COL24A1: variants seen among roughly 807,000 people sequenced by gnomAD.
The protein encoded by COL24A1 is collagen alpha-1(XXIV) chain.
COL24A1 carries 224 observed loss-of-function variants against 253.9 expected under a neutral mutation model. The observed-to-expected ratio is 0.88, with a 90% confidence interval of 0.79 to 0.99. COL24A1 has a LOEUF of 0.99. COL24A1 is among the 50% of genes least tolerant of loss of function. The probability of loss-of-function intolerance (pLI) is 0.00; values close to 1 mark genes in which losing one functional copy is unlikely to be tolerated. For missense variants in COL24A1, 2,131 were observed against 2,068.5 expected (o/e 1.03, Z -0.59); for synonymous variants, 685 against 673.7 (o/e 1.02, Z -0.26).
At chr1:86,021,058 G>A (rs1302990450) in intron 18 of COL24A1, among the ~76,000 whole-genome samples, 1 of 152,118 alleles carries the variant, frequency 6.6e-6, no homozygotes, top group Admixed American at 6.5e-5. Flanking sequence ...GTCACTGTTA[G>A]AAGTCACAAA....
chr1:85,911,332 T>A (rs2102930878), intron 25 of COL24A1, 48 bp downstream of exon 25: 1 of 1,440,858 alleles, frequency 6.9e-7, no homozygotes, highest in East Asian at 2.3e-5. Flanking sequence ...CCTTTTGAAT[T>A]TAGCCTAGAT....
intron 19 of COL24A1, among the ~76,000 whole-genome samples, chr1:85,990,203 A>G (rs538868093): frequency 2.6e-5 from 4 of 152,264 alleles, no homozygotes; most frequent in Admixed American, 6.5e-5. Context: ...CTTTCAGCCA[A>G]TTTAGAGCAT....
At chr1:85,874,597 C>T (rs1680918469) in intron 35 of COL24A1, 52 bp downstream of exon 35, 5 of 1,501,354 alleles carry the variant, frequency 3.3e-6, no homozygotes, top group Non-Finnish European at 3.7e-6. Context: ...AAGTTTTGAG[C>T]CTCTGAAAGA....
chr1:85,905,060 G>A (rs183938965), intron 28 of COL24A1, among the ~76,000 whole-genome samples: 1 of 152,236 alleles, frequency 6.6e-6, no homozygotes, highest in East Asian at 1.9e-4. Context: ...AACAGCAAGA[G>A]AGTATAACTA....
rs56046090 is a variant in COL24A1 at position 86,125,353 on chromosome 1, G to T, written c.983C>A (p.Thr328Lys). The part of the protein sequence containing the change: ...QSGNVSAVDL[T>K]NHGIQAKEMI... ...TTCTTTGGCCTGAATCCCATGGTTT[G>T]TGAGATCCACAGCAGAGACATTTCC... The change falls in exon 3 of 60, where the codon ACA becomes AAA. Residue 328 changes from threonine (T) to lysine (K), a missense_variant. Physicochemically the swap from Thr to Lys is moderately conservative, Grantham distance 78 (BLOSUM62 -1). Coordinates refer to ENST00000370571, the MANE Select transcript of COL24A1 (RefSeq NM_152890.7). 33,802 of 1,613,614 alleles carry T rather than the reference G, an allele frequency of 0.021. 431 individuals carry two copies. The highest frequency in any genetic ancestry group is 0.043 in the Middle Eastern group (262 of 6,058).
chr1:86,026,592 C>A (rs1698048373), intron 14 of COL24A1, among the ~76,000 whole-genome samples: 1 of 152,218 alleles, frequency 6.6e-6, no homozygotes, highest in Admixed American at 6.5e-5. Flanking sequence ...GTCACCCCAG[C>A]AATGCAGAAC....
At chr1:85,815,359 A>G (rs527839016) in intron 47 of COL24A1, among the ~76,000 whole-genome samples, 2 of 152,192 alleles carry the variant, frequency 1.3e-5, no homozygotes, top group African/African-American at 2.4e-5. Flanking sequence ...TGGGATCTCA[A>G]ATGAGTCTCT....
At chr1:86,100,234 G>A (rs1032557878) in intron 5 of COL24A1, among the ~76,000 whole-genome samples, 2 of 152,022 alleles carry the variant, frequency 1.3e-5, no homozygotes, top group Admixed American at 1.3e-4. Context: ...CAAGGCCTTT[G>A]GATTTAGTAA....
chr1:85,736,861 T>A (rs1664111435), intron 58 of COL24A1, among the ~76,000 whole-genome samples: 1 of 152,212 alleles, frequency 6.6e-6, no homozygotes, highest in Non-Finnish European at 1.5e-5. Flanking sequence ...ATAATATATG[T>A]TAGTTTAACA....
At chr1:85,880,824 A>T (rs1681753630) in intron 32 of COL24A1, among the ~76,000 whole-genome samples, 1 of 152,110 alleles carries the variant, frequency 6.6e-6, no homozygotes, top group African/African-American at 2.4e-5. Context: ...GATGGATTAC[A>T]TTAATTGACA....
At chr1:85,896,234 T>A (rs528566865) in intron 29 of COL24A1, 122 bp downstream of exon 29, 1 of 1,210,776 alleles carries the variant, frequency 8.3e-7, no homozygotes, top group East Asian at 2.4e-5. Context: ...CGTTTCATAC[T>A]TAGACAAAGA....
chr1:86,018,581 T>C (rs1047283997), intron 18 of COL24A1, among the ~76,000 whole-genome samples: 1 of 152,252 alleles, frequency 6.6e-6, no homozygotes, highest in Non-Finnish European at 1.5e-5. Flanking sequence ...TCAGAAAAGC[T>C]GATTGACAAT....
At chr1:85,885,395 A>AT (rs200199982) in intron 32 of COL24A1, among the ~76,000 whole-genome samples, 5,680 of 120,102 alleles carry the variant, frequency 0.047, 153 homozygotes, top group Non-Finnish European at 0.057. Flanking sequence ...ATATATATAT[A>AT]TATTTTTTTT....
intron 53 of COL24A1, among the ~76,000 whole-genome samples, chr1:85,767,467 T>A (rs1667501900): frequency 6.6e-6 from 1 of 152,176 alleles, no homozygotes; most frequent in Non-Finnish European, 1.5e-5. Flanking sequence ...CGGCACATTT[T>A]ATGGATTATG....
intron 32 of COL24A1, among the ~76,000 whole-genome samples, chr1:85,879,732 C>T (rs1238692592): frequency 6.6e-6 from 1 of 152,092 alleles, no homozygotes; most frequent in Non-Finnish European, 1.5e-5. Flanking sequence ...AGAGCATCAT[C>T]AAGATCTTCA....
At chr1:86,019,462 G>A (rs1273137874) in intron 18 of COL24A1, among the ~76,000 whole-genome samples, 1 of 151,850 alleles carries the variant, frequency 6.6e-6, no homozygotes, top group Admixed American at 6.6e-5. Context: ...AGAGGCTGAG[G>A]TGGAAGGACC....
intron 10 of COL24A1, among the ~76,000 whole-genome samples, chr1:86,057,135 C>T (rs897306090): frequency 8.5e-5 from 13 of 152,168 alleles, no homozygotes; most frequent in African/African-American, 3.1e-4. Flanking sequence ...AGCATCATCT[C>T]CTTGGTGACA....
intron 10 of COL24A1, 125 bp downstream of exon 10, chr1:86,057,806 T>C (rs1571772604): frequency 4.0e-6 from 3 of 748,862 alleles, no homozygotes; most frequent in Non-Finnish European, 4.3e-6. Flanking sequence ...TAAGCAAGTA[T>C]ATTCAGGCTA....
At position 86,028,372 on chromosome 1, in the gene COL24A1, C is replaced by A. The variant is rs144880088; in HGVS notation, c.2049+3506G>T. On this transcript the variant is annotated intron_variant, in intron 14 of 59. Transcript: ENST00000370571. ...TCCCATAACCCCCACATGCCAAGGG[C>A]AGGACCAGGTGGACATAATTGGATC... Among the ~76,000 whole-genome samples, 929 of 152,296 alleles carry A rather than the reference C, an allele frequency of 6.1e-3. 7 individuals are homozygous for A. The highest frequency in any genetic ancestry group is 0.027 in the Middle Eastern group (8 of 294).
Sources: allele counts gnomAD v4.1 joint callset (sites outside exome capture counted in the v4.1 genomes callset), GRCh38; gene constraint gnomAD v4.1.1; transcripts MANE v1.5; gene names NCBI Gene and HGNC (gene_info 2026-07-23, HGNC 2026-07-21).